FYN: variants seen among roughly 807,000 people sequenced by gnomAD.
FYN encodes FYN proto-oncogene, Src family tyrosine kinase, also known as tyrosine-protein kinase Fyn.
In FYN, 10 loss-of-function variants were observed where a neutral mutation model predicts 70.2. The observed-to-expected ratio is 0.14, with a 90% CI of 0.09 to 0.24. The LOEUF is 0.24. FYN is among the 10% of genes least tolerant of loss of function. The pLI is 1.00. For missense variants in FYN, 319 were observed against 673.1 expected (o/e 0.47, Z 5.82); for synonymous variants, 236 against 248.6 (o/e 0.95, Z 0.48).
chr6:111,781,367 T>C (rs1403648342), intron 2 of FYN, among the ~76,000 whole-genome samples: 1 of 152,208 alleles, frequency 6.6e-6, no homozygotes, highest in Non-Finnish European at 1.5e-5. Flanking sequence ...ACACTCCATC[T>C]GGTCAGCATC....
At chr6:111,693,267 C>T (rs1462349910) in intron 12 of FYN, among the ~76,000 whole-genome samples, 1 of 152,130 alleles carries the variant, frequency 6.6e-6, no homozygotes, top group Non-Finnish European at 1.5e-5. Flanking sequence ...AAAAGGACTC[C>T]AGAGCTGGCC....
At chr6:111,815,408 C>A (rs1424080641) in intron 2 of FYN, among the ~76,000 whole-genome samples, 1 of 152,104 alleles carries the variant, frequency 6.6e-6, no homozygotes, top group South Asian at 2.1e-4. Context: ...AAATGTCTTT[C>A]AATTATACTT....
chr6:111,689,856 C>A (rs1799227732), intron 12 of FYN, among the ~76,000 whole-genome samples: 1 of 152,030 alleles, frequency 6.6e-6, no homozygotes, highest in African/African-American at 2.4e-5. Flanking sequence ...GATTCAGGGG[C>A]ATATATGTAC....
intron 2 of FYN, among the ~76,000 whole-genome samples, chr6:111,802,719 G>A (rs776895164): frequency 1.7e-4 from 26 of 151,362 alleles, no homozygotes; most frequent in Admixed American, 1.5e-3. Context: ...ATGAGCCACC[G>A]TGCCTGGTCC....
At chr6:111,681,263 G>C (rs1329607792) in intron 12 of FYN, among the ~76,000 whole-genome samples, 1 of 152,048 alleles carries the variant, frequency 6.6e-6, no homozygotes, top group Non-Finnish European at 1.5e-5. Flanking sequence ...CCTGACCTCA[G>C]GTGATCCACC....
At chr6:111,744,977 A>G (rs1421737577) in intron 3 of FYN, among the ~76,000 whole-genome samples, 2 of 152,174 alleles carry the variant, frequency 1.3e-5, no homozygotes, top group African/African-American at 4.8e-5. Flanking sequence ...AAATAAAGCA[A>G]GGAAAGTGGG....
At chr6:111,805,232 T>C (rs78292239) in intron 2 of FYN, among the ~76,000 whole-genome samples, 5,518 of 152,278 alleles carry the variant, frequency 0.036, 231 homozygotes, top group African/African-American at 0.11. Context: ...CTCTTAGCCT[T>C]GGCATTCCCA....
chr6:111,786,712 C>T (rs1409757579), intron 2 of FYN, among the ~76,000 whole-genome samples: 4 of 152,208 alleles, frequency 2.6e-5, no homozygotes, highest in African/African-American at 4.8e-5. Flanking sequence ...TTCTCCACAT[C>T]CTCTCCAGCA....
chr6:111,801,410 T>C (rs1226580384), intron 2 of FYN, among the ~76,000 whole-genome samples: 1 of 152,230 alleles, frequency 6.6e-6, no homozygotes, highest in Non-Finnish European at 1.5e-5. Context: ...CCATTTTTCT[T>C]TTATCACCTG....
Position 111,687,576 on chromosome 6 carries a change from G to A in FYN, c.1273+6799C>T, listed in dbSNP as rs1010293240. Among the ~76,000 whole-genome samples the A allele has an allele frequency of 9.9e-5, 13 of 131,246 alleles. No homozygotes were observed. The East Asian group carries it at 3.4e-3, about 34-fold the overall frequency. The allele number at this position is 131,246 out of a possible 152,430, so 86.1% of individuals were successfully genotyped here. On this transcript the variant is annotated intron_variant, in intron 12 of 13. Coordinates refer to ENST00000354650, the MANE Select transcript of FYN (RefSeq NM_002037.5). ...ATGTGGAAGGAGCCCTGATGGGAGC[G>A]ATCAGGAAAACCCAAAGTGGGGTGG... is the stretch of plus-strand genomic sequence containing the variant.
At chr6:111,794,606 T>C (rs1771743879) in intron 2 of FYN, among the ~76,000 whole-genome samples, 1 of 152,224 alleles carries the variant, frequency 6.6e-6, no homozygotes, top group Non-Finnish European at 1.5e-5. Context: ...GGTTTTTACA[T>C]TTTTAAATGG....
At chr6:111,708,648 G>C (rs1318912299) in intron 5 of FYN, among the ~76,000 whole-genome samples, 1 of 152,200 alleles carries the variant, frequency 6.6e-6, no homozygotes, top group Admixed American at 6.5e-5. Flanking sequence ...GGCATTTTCA[G>C]TCTGAAGTGA....
intron 3 of FYN, among the ~76,000 whole-genome samples, chr6:111,768,458 T>C (rs972586055): frequency 1.1e-4 from 16 of 152,230 alleles, no homozygotes; most frequent in African/African-American, 2.7e-4. Context: ...GACAAGCTTA[T>C]TGAGGTGTAA....
intron 1 of FYN, among the ~76,000 whole-genome samples, chr6:111,848,356 C>T (rs1281941712): frequency 6.6e-6 from 1 of 152,166 alleles, no homozygotes; most frequent in Non-Finnish European, 1.5e-5. Context: ...CTGTGTAATT[C>T]CAACAACATA....
intron 5 of FYN, among the ~76,000 whole-genome samples, chr6:111,712,862 G>A (rs1205119154): frequency 6.6e-6 from 1 of 152,158 alleles, no homozygotes; most frequent in Admixed American, 6.5e-5. Context: ...TATACTTTTT[G>A]AAAATTGTGG....
intron 2 of FYN, among the ~76,000 whole-genome samples, chr6:111,844,588 G>A (rs1403637847): frequency 6.6e-6 from 1 of 152,182 alleles, no homozygotes; most frequent in South Asian, 2.1e-4. Context: ...CTGAGGAGAG[G>A]GTGCAGGCAG....
chr6:111,727,416 A>G (rs1183404819), intron 3 of FYN, among the ~76,000 whole-genome samples: 3 of 152,224 alleles, frequency 2.0e-5, no homozygotes, highest in Non-Finnish European at 4.4e-5. Context: ...TTTCTGGAAC[A>G]TATTTACTGC....
At chr6:111,700,409 C>T (rs908505779) in intron 8 of FYN, 141 bp from the exon 9 acceptor site, 40 of 746,086 alleles carry the variant, frequency 5.4e-5, no homozygotes, top group Non-Finnish European at 7.1e-5. Flanking sequence ...CCACACACAT[C>T]GTGGAACACT....
At chr6:111,679,112 T>C (rs999067294) in intron 12 of FYN, among the ~76,000 whole-genome samples, 2 of 152,204 alleles carry the variant, frequency 1.3e-5, no homozygotes, top group Non-Finnish European at 2.9e-5. Flanking sequence ...AACCTCTCCA[T>C]TGCCCTTCTT....
Sources: gnomAD v4.1 joint callset for allele counts (sites outside exome capture counted in the v4.1 genomes callset) on GRCh38, gnomAD v4.1.1 for gene constraint, MANE v1.5 for transcripts, NCBI Gene and HGNC (gene_info 2026-07-23, HGNC 2026-07-21) for gene names.